The following PACC1 variants were observed in gnomAD, a reference collection of about 807,000 sequenced individuals.
PACC1 encodes the protein proton activated chloride channel 1.
A neutral mutation model predicts 39.7 loss-of-function variants in PACC1; 34 were observed. That is an observed-to-expected ratio of 0.86 (90% confidence interval 0.65 to 1.14). PACC1 has a LOEUF of 1.14. PACC1 is among the 50% of genes most tolerant of loss of function. The probability of loss-of-function intolerance (pLI) is 0.00; values close to 1 mark genes in which losing one functional copy is unlikely to be tolerated. For synonymous variants in PACC1, 127 were observed against 160.6 expected, an observed-to-expected ratio of 0.79 and a Z score of 1.58; for missense variants, 379 against 436.4, an observed-to-expected ratio of 0.87 and a Z score of 1.17.
At chr1:212,375,334 C>T (rs1031252922) in intron 6 of PACC1, 34 bp from the exon 7 acceptor site, 1 of 1,462,214 alleles carries the variant, frequency 6.8e-7, no homozygotes, top group African/African-American at 1.4e-5. Flanking sequence ...GTGTTACCAC[C>T]TCTGTGTGCC....
At chr1:212,391,341 G>A (rs1190325632) in intron 2 of PACC1, among the ~76,000 whole-genome samples, 1 of 152,198 alleles carries the variant, frequency 6.6e-6, no homozygotes, top group Non-Finnish European at 1.5e-5. Context: ...GGTCTGGAGT[G>A]CACCTCCAGC....
intron 7 of PACC1, among the ~76,000 whole-genome samples, chr1:212,373,045 C>T (rs111897252): frequency 6.6e-6 from 1 of 152,046 alleles, no homozygotes; most frequent in African/African-American, 2.4e-5. Context: ...CCCAGATAGC[C>T]AAACCAATCC....
In PACC1 at chr1:212,387,420, A is replaced by G. The variant is rs181614179; in HGVS notation, c.134-320T>C. 7.2e-5 allele frequency among the ~76,000 whole-genome samples: 11 copies of G among 152,354 alleles called. No homozygotes were observed. The East Asian group carries it at 2.1e-3, about 29-fold the overall frequency. On this transcript the variant is annotated intron_variant, in intron 2 of 7. Transcript: ENST00000261455. ...AAAGCAAAAAACAAACAAAAAGAAC[A>G]GAAAAAAGGAGTTTACTCTCTAGAG...
At chr1:212,392,238 T>C (rs1661348720) in intron 2 of PACC1, among the ~76,000 whole-genome samples, 1 of 152,198 alleles carries the variant, frequency 6.6e-6, no homozygotes, top group Admixed American at 6.5e-5. Context: ...GACTAACAGC[T>C]GATCTCTCAG....
At chr1:212,390,656 G>A (rs1033677409) in intron 2 of PACC1, among the ~76,000 whole-genome samples, 1 of 151,352 alleles carries the variant, frequency 6.6e-6, no homozygotes, top group Non-Finnish European at 1.5e-5. Context: ...CGCCTCACCC[G>A]GGAAGCAGAA....
chr1:212,411,028 C>G (rs1662109161), intron 1 of PACC1, among the ~76,000 whole-genome samples: 1 of 152,174 alleles, frequency 6.6e-6, no homozygotes. Flanking sequence ...GGATTAGGGG[C>G]CCACCCTACT....
intron 1 of PACC1, among the ~76,000 whole-genome samples, chr1:212,414,452 G>C (rs1379315766): frequency 1.3e-5 from 2 of 152,204 alleles, no homozygotes; most frequent in African/African-American, 4.8e-5. Context: ...TGCTGGTTAC[G>C]GGTCGCGGCG....
intron 2 of PACC1, among the ~76,000 whole-genome samples, chr1:212,404,971 C>T (rs1038366757): frequency 6.6e-6 from 1 of 152,094 alleles, no homozygotes; most frequent in African/African-American, 2.4e-5. Context: ...TGGGGTTTCA[C>T]CACGCTGGCC....
chr1:212,365,465 CTT>C (rs1415994044), intron 7 of PACC1, 89 bp from the exon 8 acceptor site: 65 of 1,350,156 alleles, frequency 4.8e-5, no homozygotes, highest in Non-Finnish European at 5.9e-5. Flanking sequence ...GAGTTTCGCT[CTT>C]GTCACCCAGG....
chr1:212,401,891 T>G (rs1031269098), intron 2 of PACC1, among the ~76,000 whole-genome samples: 3 of 152,088 alleles, frequency 2.0e-5, no homozygotes, highest in Non-Finnish European at 2.9e-5. Context: ...GTCAGACTGG[T>G]CTTGAACTCC....
In PACC1 at chr1:212,381,695, G is replaced by GCACA. The variant is rs58078220; in HGVS notation, c.496-1662_496-1659dup. 4.2e-3 allele frequency among the ~76,000 whole-genome samples: 518 copies of GCACA among 122,830 alleles called. 2 individuals are homozygous for GCACA. The highest frequency in any genetic ancestry group is 6.3e-3 in the South Asian group (18 of 2,880). The allele number at this position is 122,830 out of a possible 152,430, so 80.6% of individuals were successfully genotyped here. On this transcript the variant is annotated intron_variant, in intron 4 of 7. Transcript: ENST00000261455. ...GTGCACAGACACACACACACACACTGCACACACACACACACACACACACAC... is the reference window on the plus strand; with the variant it reads ...GTGCACAGACACACACACACACACTGCACACACACACACACACACACACACACAC...
At chr1:212,412,009 C>T (rs1024414045) in intron 1 of PACC1, among the ~76,000 whole-genome samples, 16 of 152,016 alleles carry the variant, frequency 1.1e-4, no homozygotes, top group Non-Finnish European at 1.6e-4. Flanking sequence ...GGCATAATAG[C>T]GCACACCTGT....
chr1:212,371,274 T>C (rs968095754), intron 7 of PACC1, among the ~76,000 whole-genome samples: 2 of 148,290 alleles, frequency 1.3e-5, no homozygotes, highest in Admixed American at 1.3e-4. Context: ...GAAAAGTTAG[T>C]TGTTTGAAAA....
At chr1:212,389,955 G>C (rs1189648179) in intron 2 of PACC1, among the ~76,000 whole-genome samples, 1 of 151,984 alleles carries the variant, frequency 6.6e-6, no homozygotes, top group Non-Finnish European at 1.5e-5. Context: ...CACTGTATAG[G>C]CTTAATAGCA....
intron 2 of PACC1, among the ~76,000 whole-genome samples, chr1:212,396,580 T>C (rs1455582602): frequency 6.9e-6 from 1 of 144,176 alleles, no homozygotes; most frequent in African/African-American, 2.6e-5. Context: ...ACTTAAAGTA[T>C]AATAAAAATA....
intron 2 of PACC1, among the ~76,000 whole-genome samples, chr1:212,402,999 T>C (rs1661772158): frequency 6.6e-6 from 1 of 152,196 alleles, no homozygotes. Flanking sequence ...TTTTTCTTTG[T>C]CTATCCCATT....
At chr1:212,382,043 TG>T (rs1326303217) in intron 4 of PACC1, among the ~76,000 whole-genome samples, 7 of 102,782 alleles carry the variant, frequency 6.8e-5, no homozygotes, top group African/African-American at 1.7e-4. Flanking sequence ...GGAGTGTTCT[TG>T]TTTTTTTTTT....
rs915421223 is a variant in PACC1, at chr1:212,388,866, A to G, written c.134-1766T>C. On this transcript the variant is annotated intron_variant, in intron 2 of 7. Coordinates refer to ENST00000261455, the MANE Select transcript of PACC1 (RefSeq NM_018252.3). ...ATGGAGCTCCCTGAGAAGAAGTCCT[A>G]TTTCCTCCACAGCCCAGCTGAGCAC... Among the ~76,000 whole-genome samples the G allele has an allele frequency of 3.9e-5, 6 of 152,188 alleles. No individual in the cohort carries two copies. In the East Asian group the frequency reaches 1.2e-3, roughly 29 times the overall value.
chr1:212,373,576 GA>G (rs1263801720), intron 7 of PACC1, among the ~76,000 whole-genome samples: 1 of 152,136 alleles, frequency 6.6e-6, no homozygotes, highest in African/African-American at 2.4e-5. Context: ...CAGAATGAGA[GA>G]AATTATTTGC....
Sources: allele counts gnomAD v4.1 joint callset (sites outside exome capture counted in the v4.1 genomes callset), GRCh38; gene constraint gnomAD v4.1.1; transcripts MANE v1.5; gene names NCBI Gene and HGNC (gene_info 2026-07-23, HGNC 2026-07-21).